The following SAMD5 variants were observed in gnomAD, a reference collection of about 807,000 sequenced individuals.
SAMD5 encodes sterile alpha motif domain-containing protein 5.
In SAMD5, 13 loss-of-function variants were observed where a neutral mutation model predicts 11.3. That is an observed-to-expected ratio of 1.15 (90% CI 0.75 to 1.83). SAMD5 has a LOEUF of 1.83. SAMD5 is among the 40% of genes most tolerant of loss of function. The pLI is 0.00. For synonymous variants in SAMD5, 129 were observed against 111.3 expected, an observed-to-expected ratio of 1.16 and a Z score of -1.00; for missense variants, 255 against 239.1, an observed-to-expected ratio of 1.07 and a Z score of -0.44.
intron 1 of SAMD5, among the ~76,000 whole-genome samples, chr6:147,534,634 G>A (rs1269054517): frequency 6.6e-6 from 1 of 152,138 alleles, no homozygotes; most frequent in Admixed American, 6.5e-5. Context: ...ATAGGAAGTT[G>A]AAGCTGTCTT....
chr6:147,597,335 G>C (rs1789546948), intron 1 of SAMD5, among the ~76,000 whole-genome samples: 1 of 152,114 alleles, frequency 6.6e-6, no homozygotes. Context: ...TGTGTTTTCA[G>C]ACCATGAATT....
chr6:147,564,005 T>C (rs1788995362), intron 1 of SAMD5, among the ~76,000 whole-genome samples: 1 of 152,228 alleles, frequency 6.6e-6, no homozygotes, highest in African/African-American at 2.4e-5. Flanking sequence ...TGTCTCACAA[T>C]GTATTGACTA....
At chr6:147,784,810 A>G in the SAMD5 span, among the ~76,000 whole-genome samples, 2 of 152,234 alleles carry the variant, frequency 1.3e-5, no homozygotes, top group South Asian at 4.1e-4. Flanking sequence ...AAAATGAATC[A>G]CAGTCTGGTA....
At position 147,704,702 on chromosome 6, in the gene SAMD5, G is replaced by T. The variant is rs78097834; in HGVS notation, c.163-32615G>T. ...GACAAAAATAAGGATGGAAATACAT[G>T]AGGTCCATTCTTTCAAAGGGTAGCT... is the stretch of plus-strand genomic sequence containing the variant. On this transcript the variant is annotated intron_variant, in intron 1 of 1. Transcript: ENST00000566741. Among the ~76,000 whole-genome samples the T allele has an allele frequency of 6.9e-3, 1,056 of 152,284 alleles. 11 individuals are homozygous for T. The highest frequency in any genetic ancestry group is 0.024 in the African/African-American group (994 of 41,568).
At chr6:147,787,099 T>C in the SAMD5 span, among the ~76,000 whole-genome samples, 2 of 152,320 alleles carry the variant, frequency 1.3e-5, no homozygotes, top group African/African-American at 4.8e-5. Flanking sequence ...TCAAAAATTA[T>C]CCTGAAAAAT....
chr6:147,609,780 A>G (rs1583105134), intron 1 of SAMD5, among the ~76,000 whole-genome samples: 1 of 151,730 alleles, frequency 6.6e-6, no homozygotes, highest in Admixed American at 6.6e-5. Context: ...CTGGTCCCGA[A>G]CTCCTGACCT....
chr6:147,516,204 T>A (rs1299730510), intron 1 of SAMD5, among the ~76,000 whole-genome samples: 1 of 152,248 alleles, frequency 6.6e-6, no homozygotes, highest in Non-Finnish European at 1.5e-5. Context: ...GCTTAATACC[T>A]GTCCTCAAGA....
At chr6:147,605,488 C>A (rs950493003) in intron 1 of SAMD5, among the ~76,000 whole-genome samples, 1 of 152,064 alleles carries the variant, frequency 6.6e-6, no homozygotes, top group Non-Finnish European at 1.5e-5. Flanking sequence ...GTAATCTTTG[C>A]AGTCTTCAAC....
At chr6:147,677,023 AAGAC>A (rs1704434213) in intron 1 of SAMD5, among the ~76,000 whole-genome samples, 2 of 151,764 alleles carry the variant, frequency 1.3e-5, no homozygotes, top group Admixed American at 1.3e-4. Context: ...TTCTTAAAGA[AAGAC>A]AGTGGCTCTT....
rs763832539 is a variant in SAMD5, at chr6:147,633,129, GA to G, written c.163-104182del. The stretch of plus-strand genomic sequence containing the variant: ...GGATGCCTTCTTAAGGGGAAACATT[GA>G]AAAAATAGACCACGTTATTCATTGG... On this transcript the variant is annotated intron_variant, in intron 1 of 1. Transcript: ENST00000566741. Among the ~76,000 whole-genome samples, 312 of 152,248 alleles carry G rather than the reference GA, an allele frequency of 2.0e-3. 1 individual carries two copies. Among genetic ancestry groups the G allele is most frequent in the Non-Finnish European group, 3.3e-3 (227 of 68,004 alleles).
chr6:147,623,774 A>C (rs1790007507), intron 1 of SAMD5, among the ~76,000 whole-genome samples: 1 of 152,252 alleles, frequency 6.6e-6, no homozygotes, highest in Non-Finnish European at 1.5e-5. Flanking sequence ...GAAATGAAGA[A>C]TTGGTAAGTG....
chr6:147,931,661 T>A, the SAMD5 span, among the ~76,000 whole-genome samples: 1 of 152,200 alleles, frequency 6.6e-6, no homozygotes, highest in African/African-American at 2.4e-5. Flanking sequence ...CATATTTAAC[T>A]TACAGAATTT....
At chr6:147,917,050 A>C in the SAMD5 span, among the ~76,000 whole-genome samples, 1 of 132,512 alleles carries the variant, frequency 7.5e-6, no homozygotes, top group African/African-American at 3.1e-5. Context: ...AGCATGATTT[A>C]TAGTCCTTTG....
intron 1 of SAMD5, among the ~76,000 whole-genome samples, chr6:147,726,927 T>G (rs536024471): frequency 6.6e-6 from 1 of 152,236 alleles, no homozygotes; most frequent in Non-Finnish European, 1.5e-5. Flanking sequence ...ACTTAGACTT[T>G]GCTAGTAGCC....
At chr6:147,652,504 A>G (rs1224525820) in intron 1 of SAMD5, among the ~76,000 whole-genome samples, 2 of 152,160 alleles carry the variant, frequency 1.3e-5, no homozygotes, top group Non-Finnish European at 1.5e-5. Context: ...ATCATGGAGG[A>G]GGCTCCCTGG....
At chr6:147,879,058 C>T in the SAMD5 span, among the ~76,000 whole-genome samples, 3 of 152,200 alleles carry the variant, frequency 2.0e-5, no homozygotes, top group Non-Finnish European at 4.4e-5. Context: ...ATTGAATCCT[C>T]ACTGCGATAC....
intron 1 of SAMD5, among the ~76,000 whole-genome samples, chr6:147,627,693 T>C (rs1405609181): frequency 3.9e-5 from 6 of 152,218 alleles, no homozygotes; most frequent in African/African-American, 1.2e-4. Flanking sequence ...TTTTTTATGA[T>C]GCCCAGTCTA....
chr6:147,676,647 C>A (rs1463508182), intron 1 of SAMD5, among the ~76,000 whole-genome samples: 2 of 152,080 alleles, frequency 1.3e-5, no homozygotes, highest in African/African-American at 4.8e-5. Context: ...ACATTGTAGG[C>A]AGTCAGTATA....
chr6:147,945,621 A>G, the SAMD5 span, among the ~76,000 whole-genome samples: 7 of 152,122 alleles, frequency 4.6e-5, no homozygotes, highest in Non-Finnish European at 8.8e-5. Context: ...AAGTGACGCT[A>G]TTGGAGAGGG....
Sources: gnomAD v4.1 joint callset for allele counts (sites outside exome capture counted in the v4.1 genomes callset) on GRCh38, gnomAD v4.1.1 for gene constraint, MANE v1.5 for transcripts, NCBI Gene and HGNC (gene_info 2026-07-23, HGNC 2026-07-21) for gene names.